The following PSD3 variants were observed in gnomAD, a reference collection of about 807,000 sequenced individuals.
The protein encoded by PSD3 is PH and SEC7 domain-containing protein 3.
Under a neutral mutation model 105.5 loss-of-function variants are expected in PSD3, and 49 were observed. The observed-to-expected ratio is 0.46, with a 90% CI of 0.37 to 0.59. PSD3 has a LOEUF of 0.59. Ranked by LOEUF, PSD3 falls within the 20% of genes least tolerant of loss-of-function variation. The pLI is 0.00. For missense variants in PSD3, 1,561 were observed against 1,263.8 expected (o/e 1.24, Z -3.57); for synonymous variants, 557 against 457.8 (o/e 1.22, Z -2.77).
At chr8:18,927,321 C>T (rs918116497) in intron 2 of PSD3, among the ~76,000 whole-genome samples, 3 of 152,162 alleles carry the variant, frequency 2.0e-5, no homozygotes, top group African/African-American at 7.2e-5. Flanking sequence ...TCAAGCAATT[C>T]TCCTGCCTCA....
In PSD3 at chr8:18,909,297, C is replaced by T. The variant is rs554901380; in HGVS notation, c.130+26737G>A. Reference sequence around the variant, plus strand: ...TCTCCCTTAAGGTTTGACCGTGGCCCCATTAACACCACTGTCTTACCAAAT... The same window carrying T: ...TCTCCCTTAAGGTTTGACCGTGGCCTCATTAACACCACTGTCTTACCAAAT... On this transcript the variant is annotated intron_variant, in intron 2 of 15. Transcript: ENST00000327040. 2.2e-4 allele frequency among the ~76,000 whole-genome samples: 33 copies of T among 152,186 alleles called. No homozygotes were observed. In the South Asian group the frequency reaches 6.8e-3, roughly 32 times the overall value.
At chr8:19,016,752 C>T (rs537689905), upstream of PSD3, among the ~76,000 whole-genome samples, 5 of 152,310 alleles carry the variant, frequency 3.3e-5, no homozygotes, top group Middle Eastern at 3.4e-3. Context: ...TCCAAGAGCA[C>T]AGCAACAGCA....
intron 8 of PSD3, among the ~76,000 whole-genome samples, chr8:18,772,878 G>C (rs568900946): frequency 1.3e-5 from 2 of 152,202 alleles, no homozygotes; most frequent in South Asian, 4.2e-4. Context: ...TTAAAATCAG[G>C]ATATTTGATT....
chr8:18,804,413 A>G, intron 6 of PSD3, 109 bp downstream of exon 6: 1 of 857,344 alleles, frequency 1.2e-6, no homozygotes, highest in Non-Finnish European at 1.7e-6. Context: ...CCACCTATAC[A>G]TGGAGGTTTA....
chr8:18,595,715 T>C (rs918717589), intron 12 of PSD3, among the ~76,000 whole-genome samples: 7 of 152,076 alleles, frequency 4.6e-5, no homozygotes, highest in African/African-American at 1.7e-4. Flanking sequence ...CACACAGTTG[T>C]AACCATTATT....
intron 15 of PSD3, among the ~76,000 whole-genome samples, chr8:18,544,272 C>A (rs117720821): frequency 2.7e-5 from 4 of 150,922 alleles, no homozygotes; most frequent in East Asian, 2.0e-4. Flanking sequence ...CTGCGTACTA[C>A]GAGATGATGG....
intron 2 of PSD3, among the ~76,000 whole-genome samples, chr8:18,890,513 C>A (rs889827332): frequency 6.6e-6 from 1 of 152,082 alleles, no homozygotes; most frequent in Non-Finnish European, 1.5e-5. Flanking sequence ...GAGCTCTGTA[C>A]TCTAATACGC....
intron 15 of PSD3, among the ~76,000 whole-genome samples, chr8:18,550,916 C>G (rs1418488777): frequency 6.6e-6 from 1 of 152,212 alleles, no homozygotes; most frequent in Non-Finnish European, 1.5e-5. Flanking sequence ...TGATTCCACG[C>G]TAGACTGACT....
chr8:18,802,472 G>A, intron 6 of PSD3: 6 of 224,590 alleles, frequency 2.7e-5, no homozygotes, highest in Admixed American at 4.6e-5. Flanking sequence ...CCTTATTATA[G>A]GTATAATTAA....
intron 1 of PSD3, among the ~76,000 whole-genome samples, chr8:19,035,524 C>A (rs370379852): frequency 6.8e-6 from 1 of 146,256 alleles, no homozygotes; most frequent in Admixed American, 6.8e-5. Flanking sequence ...TAAAAAAAAA[C>A]AACAAAATTG....
chr8:18,773,831 A>T (rs1185968027), intron 8 of PSD3, among the ~76,000 whole-genome samples: 1 of 152,224 alleles, frequency 6.6e-6, no homozygotes. Context: ...GTGGAATCTG[A>T]AGATCAGTTT....
At chr8:18,998,674 G>A (rs948943037) in intron 1 of PSD3, among the ~76,000 whole-genome samples, 7 of 151,842 alleles carry the variant, frequency 4.6e-5, no homozygotes, top group African/African-American at 7.3e-5. Context: ...GCAACAGAGC[G>A]AGATTCCATC....
chr8:18,824,369 T>A (rs548323939), intron 4 of PSD3, among the ~76,000 whole-genome samples: 5 of 152,180 alleles, frequency 3.3e-5, no homozygotes, highest in Admixed American at 6.5e-5. Context: ...AAATGATAAA[T>A]TTGGAGGCTC....
intron 1 of PSD3, among the ~76,000 whole-genome samples, chr8:18,955,241 G>A (rs868652404): frequency 3.3e-5 from 5 of 151,988 alleles, no homozygotes; most frequent in Non-Finnish European, 5.9e-5. Context: ...TATACATGAC[G>A]TCTCTTTTGT....
chr8:19,070,902 T>G (rs1041941099), intron 1 of PSD3, among the ~76,000 whole-genome samples: 2 of 152,228 alleles, frequency 1.3e-5, no homozygotes, highest in Non-Finnish European at 2.9e-5. Flanking sequence ...TCAAATTTTC[T>G]TTAACTCTTT....
chr8:19,068,081 C>T (rs536835401), intron 1 of PSD3, among the ~76,000 whole-genome samples: 5 of 152,156 alleles, frequency 3.3e-5, no homozygotes, highest in African/African-American at 9.7e-5. Flanking sequence ...GCTGGGAATA[C>T]AGGACTGGCT....
At position 18,627,268 on chromosome 8, in the gene PSD3, C is replaced by T. The variant is rs116898373; in HGVS notation, c.2410+5345G>A. The stretch of plus-strand genomic sequence containing the variant: ...GAGGTAAGAAAGGAGTTTAGTGATG[C>T]GGAGATAAGAAAGGAGTTTAGTGAT... On this transcript the variant is annotated intron_variant, in intron 11 of 15. Coordinates refer to ENST00000327040, the MANE Select transcript of PSD3 (RefSeq NM_015310.4). 8.9e-4 allele frequency among the ~76,000 whole-genome samples: 135 copies of T among 151,774 alleles called. 1 individual carries two copies. Among genetic ancestry groups the T allele is most frequent in the African/African-American group, 2.9e-3 (122 of 41,406 alleles).
At chr8:18,563,689 T>C (rs1156434905) in intron 14 of PSD3, among the ~76,000 whole-genome samples, 2 of 152,172 alleles carry the variant, frequency 1.3e-5, no homozygotes, top group African/African-American at 2.4e-5. Context: ...TTAATATATA[T>C]TAAATACAGA....
At position 18,568,601 on chromosome 8, in the gene PSD3, T is replaced by C. The variant is rs139212656; in HGVS notation, c.2784+3927A>G. Among the ~76,000 whole-genome samples the C allele has an allele frequency of 8.5e-4, 129 of 152,282 alleles. 2 individuals are homozygous for C. Among genetic ancestry groups the C allele is most frequent in the East Asian group, 5.4e-3 (28 of 5,186 alleles). On this transcript the variant is annotated intron_variant, in intron 14 of 15. Transcript: ENST00000327040. ...CACTTTCAAGGTCTCTCAAGCACTT[T>C]CACTACGATCCATTTCTTCTGCAGC...
Sources: gnomAD v4.1 joint callset for allele counts (sites outside exome capture counted in the v4.1 genomes callset) on GRCh38, gnomAD v4.1.1 for gene constraint, MANE v1.5 for transcripts, NCBI Gene and HGNC (gene_info 2026-07-23, HGNC 2026-07-21) for gene names.